NKTR: variants seen among roughly 807,000 people sequenced by gnomAD.
NKTR encodes NK-tumor recognition protein.
NKTR carries 67 observed loss-of-function variants against 156.3 expected under a neutral mutation model. That is an observed-to-expected ratio of 0.43 (90% CI 0.35 to 0.53). NKTR has a LOEUF of 0.53. NKTR is among the 20% of genes least tolerant of loss of function. NKTR has a pLI of 0.01. For missense variants in NKTR, 1,604 were observed against 1,730.9 expected (o/e 0.93, Z 1.30); for synonymous variants, 640 against 596.6 (o/e 1.07, Z -1.06).
At chr3:42,601,107 CT>C in intron 2 of NKTR, 43 bp downstream of exon 2, 1 of 1,500,044 alleles carries the variant, frequency 6.7e-7, no homozygotes, top group Non-Finnish European at 9.0e-7. Flanking sequence ...CGAGGCCTGC[CT>C]TGGCGAAGGG....
intron 2 of NKTR, among the ~76,000 whole-genome samples, chr3:42,610,131 G>A (rs1330810303): frequency 5.3e-5 from 8 of 151,968 alleles, no homozygotes; most frequent in Admixed American, 5.2e-4. Flanking sequence ...TCAGCCTCCC[G>A]AGTAGCTGGG....
chr3:42,618,858 G>T (rs556801752), intron 3 of NKTR, among the ~76,000 whole-genome samples, 162 bp from the exon 4 acceptor site: 79 of 151,988 alleles, frequency 5.2e-4, no homozygotes, highest in Non-Finnish European at 1.1e-3. Context: ...TTTGGTTTGC[G>T]TGCATGTGTG....
intron 8 of NKTR, among the ~76,000 whole-genome samples, chr3:42,632,341 G>A (rs887588306): frequency 1.3e-5 from 2 of 151,896 alleles, no homozygotes; most frequent in African/African-American, 4.8e-5. Context: ...ACAGTGTTAG[G>A]ATTACAGATA....
intron 2 of NKTR, among the ~76,000 whole-genome samples, chr3:42,613,227 G>C (rs1328070228): frequency 6.6e-6 from 1 of 152,124 alleles, no homozygotes; most frequent in African/African-American, 2.4e-5. Flanking sequence ...TCCTAGCCAA[G>C]ATGTGAGCTT....
intron 2 of NKTR, among the ~76,000 whole-genome samples, chr3:42,604,025 C>T (rs1323457516): frequency 6.6e-6 from 1 of 152,170 alleles, no homozygotes; most frequent in African/African-American, 2.4e-5. Flanking sequence ...GTGTGAGCCA[C>T]GGTGCCTAGC....
intron 2 of NKTR, among the ~76,000 whole-genome samples, chr3:42,610,166 C>T (rs930354819): frequency 5.3e-5 from 8 of 151,968 alleles, no homozygotes; most frequent in African/African-American, 1.7e-4. Context: ...CCACCACACC[C>T]GCTAATTTTG....
At position 42,637,522 on chromosome 3, in the gene NKTR, T is replaced by C; in HGVS notation, c.1818T>C (p.Pro606=). Residue 606 remains proline (P), a synonymous_variant, in exon 13 of 17, where the codon CCT becomes CCC. Transcript: ENST00000232978. The part of the protein sequence containing the change: ...VVQPVVAENI[P]VIPLSDSPPP... ...AACCAGTTGTAGCAGAAAATATTCC[T>C]GTAATACCACTGAGTGACAGTCCCC... 6.2e-7 allele frequency: 1 copy of C among 1,614,086 alleles called. No individual in the cohort carries two copies. The highest frequency in any genetic ancestry group is 8.5e-7 in the Non-Finnish European group (1 of 1,180,020).
chr3:42,639,387 C>T lies in NKTR; in HGVS notation c.3683C>T (p.Pro1228Leu). ...AACCTCATTGATAAGAAATGGAAGC[C>T]CCTGCAAGGTGTGGGGAACCTGGCA... The part of the protein sequence containing the change: ...QINLIDKKWK[P>L]LQGVGNLAAP... Residue 1228 changes from proline to leucine, a missense_variant, in exon 13 of 17, where the codon CCC (proline) becomes CTC (leucine). Physicochemically the swap from Pro to Leu is moderately conservative, Grantham distance 98. Transcript: ENST00000232978. 6.2e-7 allele frequency: 1 copy of T among 1,614,000 alleles called. No homozygotes were observed. Among genetic ancestry groups the T allele is most frequent in the Non-Finnish European group, 8.5e-7 (1 of 1,179,932 alleles).
At chr3:42,636,476 A>C (rs919769562) in intron 12 of NKTR, among the ~76,000 whole-genome samples, 1 of 152,218 alleles carries the variant, frequency 6.6e-6, no homozygotes, top group Non-Finnish European at 1.5e-5. Context: ...TCAGAAAATC[A>C]ACAAATTGTT....
At chr3:42,628,949 C>A in intron 6 of NKTR, 1 of 338,544 alleles carries the variant, frequency 3.0e-6, no homozygotes, top group Non-Finnish European at 4.2e-6. Flanking sequence ...TTGCATTGAG[C>A]CGAGATCATG....
At chr3:42,632,915 C>G (rs891655400) in intron 9 of NKTR, 92 bp downstream of exon 9, 13 of 1,316,792 alleles carry the variant, frequency 9.9e-6, no homozygotes, top group Non-Finnish European at 1.1e-5. Flanking sequence ...ATTTTATTAC[C>G]TGTTATTGAA....
At position 42,642,609 on chromosome 3, in the gene NKTR, T is replaced by C; in HGVS notation, c.4142+13T>C. ...ACAAAAGTCACAGGTGAGCTTGTGA[T>C]CTCACCCTGTGATGTGGTCTCCATC... On this transcript the variant is annotated intron_variant, in intron 14 of 16. Coordinates refer to ENST00000232978, the MANE Select transcript of NKTR (RefSeq NM_005385.4). The C allele has an allele frequency of 6.3e-7, 1 of 1,593,440 alleles. No individual in the cohort carries two copies. Among genetic ancestry groups the C allele is most frequent in the South Asian group, 1.1e-5 (1 of 90,652 alleles).
intron 8 of NKTR, among the ~76,000 whole-genome samples, chr3:42,631,671 G>T (rs1708917797): frequency 6.6e-6 from 1 of 152,184 alleles, no homozygotes; most frequent in Admixed American, 6.5e-5. Context: ...CAACCAGAGT[G>T]ATCCCTTTGA....
intron 8 of NKTR, 148 bp downstream of exon 8, chr3:42,631,464 A>G: frequency 1.1e-6 from 1 of 893,532 alleles, no homozygotes; most frequent in Non-Finnish European, 1.6e-6. Flanking sequence ...CTTTTAGCAT[A>G]TCTTGTCAGA....
intron 15 of NKTR, 195 bp downstream of exon 15, chr3:42,643,590 A>G: frequency 1.6e-6 from 1 of 627,580 alleles, no homozygotes; most frequent in Middle Eastern, 2.7e-4. Flanking sequence ...CAAAAATGAC[A>G]ATATCAAATT....
At chr3:42,618,227 T>G (rs1707574806) in intron 3 of NKTR, among the ~76,000 whole-genome samples, 1 of 151,394 alleles carries the variant, frequency 6.6e-6, no homozygotes, top group South Asian at 2.1e-4. Context: ...GGCAGGCGCC[T>G]GTAATCCCAG....
rs530336758 is a variant in NKTR, at chr3:42,633,960, G to A, written c.929+225G>A. ...CAGAATTCACATTCTAGCAGGGAGAGGAGGTTGGGCAAGTTGGTCAGGGAA... is the reference window on the plus strand; with the variant it reads ...CAGAATTCACATTCTAGCAGGGAGAAGAGGTTGGGCAAGTTGGTCAGGGAA... On this transcript the variant is annotated intron_variant, in intron 10 of 16. Coordinates refer to ENST00000232978, the MANE Select transcript of NKTR (RefSeq NM_005385.4). Among the ~76,000 whole-genome samples the A allele has an allele frequency of 6.6e-5, 10 of 152,292 alleles. No homozygotes were observed. In the South Asian group the frequency reaches 2.1e-3, roughly 32 times the overall value.
chr3:42,639,827 G>A, intron 13 of NKTR, 77 bp downstream of exon 13: 1 of 976,450 alleles, frequency 1.0e-6, no homozygotes, highest in African/African-American at 1.6e-5. Context: ...TCAGAATTAG[G>A]GACAGAATCA....
intron 15 of NKTR, 67 bp downstream of exon 15, chr3:42,643,462 G>A (rs1477046057): frequency 1.6e-6 from 2 of 1,287,542 alleles, no homozygotes; most frequent in African/African-American, 2.9e-5. Flanking sequence ...TAAACTGTTT[G>A]TTCAAAGTGG....
Sources: gnomAD v4.1 joint callset for allele counts (sites outside exome capture counted in the v4.1 genomes callset) on GRCh38, gnomAD v4.1.1 for gene constraint, MANE v1.5 for transcripts, NCBI Gene and HGNC (gene_info 2026-07-23, HGNC 2026-07-21) for gene names.